The following BIRC6 variants were observed in gnomAD, a reference collection of about 807,000 sequenced individuals.
BIRC6 encodes the protein dual E2 ubiquitin-conjugating enzyme/E3 ubiquitin-protein ligase BIRC6.
Under a neutral mutation model 503.3 loss-of-function variants are expected in BIRC6, and 98 were observed. The ratio of observed to expected loss-of-function variants is 0.19; its 90% CI spans 0.17 to 0.23. The LOEUF is 0.23. Among genes scored for constraint, BIRC6 ranks in the 10% least tolerant of loss-of-function variants. BIRC6 has a pLI of 1.00. For missense variants in BIRC6, 5,360 were observed against 5,806.0 expected (o/e 0.92, Z 2.50); for synonymous variants, 2,240 against 2,078.7 (o/e 1.08, Z -2.11).
intron 13 of BIRC6, among the ~76,000 whole-genome samples, chr2:32,434,951 T>C (rs2044535364): frequency 6.6e-6 from 1 of 152,198 alleles, no homozygotes; most frequent in Non-Finnish European, 1.5e-5. Context: ...AGGATATGAA[T>C]AAGGTTATAT....
chr2:32,359,163 A>G (rs1162229132), intron 1 of BIRC6, among the ~76,000 whole-genome samples: 1 of 152,190 alleles, frequency 6.6e-6, no homozygotes, highest in Non-Finnish European at 1.5e-5. Flanking sequence ...CTTTTCATAT[A>G]TGTCTACACT....
chr2:32,394,861 A>G (rs1283158735), intron 5 of BIRC6, among the ~76,000 whole-genome samples: 3 of 152,134 alleles, frequency 2.0e-5, no homozygotes, highest in African/African-American at 7.2e-5. Context: ...CTTTAAAAAA[A>G]CAACAAGAGG....
rs370556088 is a variant in BIRC6 at position 32,515,044 on chromosome 2, T to C, written c.10623T>C (p.Ala3541=). 6.2e-7 allele frequency: 1 copy of C among 1,613,998 alleles called. No homozygotes were observed. Among genetic ancestry groups the C allele is most frequent in the Non-Finnish European group, 8.5e-7 (1 of 1,179,872 alleles). ...CCTGCAATATGGTTTTGAAGAAAGC[T>C]GTTGACAGTCTACTTTGCTCAATGT... ...SLPCNMVLKK[A]VDSLLCSMCH... The change falls in exon 55 of 74, where the codon GCT becomes GCC. Residue 3541 remains alanine (A), a synonymous_variant. Transcript: ENST00000421745.
intron 38 of BIRC6, among the ~76,000 whole-genome samples, chr2:32,482,121 C>CT (rs61394950): frequency 6.1e-4 from 85 of 140,038 alleles, no homozygotes; most frequent in Middle Eastern, 3.6e-3. Flanking sequence ...TGTTAGCCTA[C>CT]TTTTTTTTAA....
intron 70 of BIRC6, chr2:32,602,649 CACATTGT>C (rs2062143123): frequency 5.4e-6 from 1 of 183,642 alleles, no homozygotes; most frequent in South Asian, 1.9e-4. Context: ...TTGATCATTA[CACATTGT>C]ATACACATAT....
At chr2:32,478,993 A>G (rs1190284553) in intron 36 of BIRC6, among the ~76,000 whole-genome samples, 175 bp downstream of exon 36, 2 of 152,182 alleles carry the variant, frequency 1.3e-5, no homozygotes, top group African/African-American at 4.8e-5. Flanking sequence ...TTACTTTTGT[A>G]TTTAAGTATA....
chr2:32,572,015 A>G (rs995102154), intron 65 of BIRC6, among the ~76,000 whole-genome samples: 14 of 152,062 alleles, frequency 9.2e-5, no homozygotes, highest in Admixed American at 6.5e-5. Context: ...TTTAATTTCC[A>G]TGTATTTGTA....
chr2:32,440,318 T>TG (rs2045267075), intron 16 of BIRC6, among the ~76,000 whole-genome samples: 1 of 152,348 alleles, frequency 6.6e-6, no homozygotes, highest in African/African-American at 2.4e-5. Context: ...ATATGCCCTC[T>TG]GTTGGCAACT....
At chr2:32,539,706 G>A (rs1167354308) in intron 61 of BIRC6, among the ~76,000 whole-genome samples, 1 of 152,092 alleles carries the variant, frequency 6.6e-6, no homozygotes, top group Non-Finnish European at 1.5e-5. Context: ...ATAATTAAAA[G>A]AGGAGATTTA....
At chr2:32,505,247 T>C in intron 50 of BIRC6, 42 bp downstream of exon 50, 3 of 1,446,354 alleles carry the variant, frequency 2.1e-6, no homozygotes, top group Non-Finnish European at 2.8e-6. Context: ...GAACAAGCTT[T>C]AATTTAGAAA....
rs555909154 is a variant in BIRC6, at chr2:32,592,795, A to G, written c.13356-1120A>G. ...TTTTTAGTAGAGATGGGGTTTCTCCATGTTGTTCAGGGTGGTCTCGAACTC... is the reference window on the plus strand; with the variant it reads ...TTTTTAGTAGAGATGGGGTTTCTCCGTGTTGTTCAGGGTGGTCTCGAACTC... On this transcript the variant is annotated intron_variant, in intron 66 of 73. Coordinates refer to ENST00000421745, the MANE Select transcript of BIRC6 (RefSeq NM_016252.4). 2.6e-5 allele frequency among the ~76,000 whole-genome samples: 4 copies of G among 151,264 alleles called. No homozygotes were observed. In the South Asian group the frequency reaches 8.4e-4, roughly 32 times the overall value.
intron 9 of BIRC6, among the ~76,000 whole-genome samples, chr2:32,414,152 A>G (rs963414674): frequency 6.6e-6 from 1 of 151,734 alleles, no homozygotes; most frequent in African/African-American, 2.4e-5. Context: ...TTAGCTGGGT[A>G]TGGTGGCACA....
intron 2 of BIRC6, among the ~76,000 whole-genome samples, chr2:32,379,786 T>C (rs1015180287): frequency 1.3e-5 from 2 of 152,164 alleles, no homozygotes; most frequent in African/African-American, 2.4e-5. Flanking sequence ...TGACTTTATA[T>C]AGCTTGAGTA....
At chr2:32,520,015 G>A (rs1347310530) in intron 57 of BIRC6, among the ~76,000 whole-genome samples, 1 of 152,182 alleles carries the variant, frequency 6.6e-6, no homozygotes, top group Non-Finnish European at 1.5e-5. Flanking sequence ...AACTAGAAAT[G>A]TCTGTTTGCA....
chr2:32,386,918 T>G (rs943750849), intron 3 of BIRC6, among the ~76,000 whole-genome samples: 4 of 152,124 alleles, frequency 2.6e-5, no homozygotes, highest in African/African-American at 4.8e-5. Flanking sequence ...GTTGCCTGTT[T>G]TATATTATGC....
intron 23 of BIRC6, among the ~76,000 whole-genome samples, chr2:32,456,732 A>G (rs998882513): frequency 2.0e-5 from 3 of 152,078 alleles, no homozygotes; most frequent in South Asian, 4.1e-4. Context: ...CTTTTGGTCA[A>G]GTTTGCTAGT....
At chr2:32,381,967 C>T (rs537621770) in intron 3 of BIRC6, among the ~76,000 whole-genome samples, 4 of 152,038 alleles carry the variant, frequency 2.6e-5, no homozygotes, top group African/African-American at 7.2e-5. Flanking sequence ...TTGTATTATA[C>T]CTTACTCTAT....
intron 23 of BIRC6, among the ~76,000 whole-genome samples, chr2:32,460,850 G>A (rs2047815394): frequency 6.6e-6 from 1 of 151,700 alleles, no homozygotes; most frequent in African/African-American, 2.4e-5. Context: ...ATACAAGCAT[G>A]GTATGAATGA....
intron 31 of BIRC6, 102 bp from the exon 32 acceptor site, chr2:32,470,912 G>A (rs1334791640): frequency 1.6e-6 from 2 of 1,223,730 alleles, no homozygotes; most frequent in African/African-American, 1.5e-5. Context: ...GATAAGATAT[G>A]TTTTGGATTT....
Sources: gnomAD v4.1 joint callset for allele counts (sites outside exome capture counted in the v4.1 genomes callset) on GRCh38, gnomAD v4.1.1 for gene constraint, MANE v1.5 for transcripts, NCBI Gene and HGNC (gene_info 2026-07-23, HGNC 2026-07-21) for gene names.